Variants in DNAH11 observed in about 807,000 individuals in gnomAD.
The protein encoded by DNAH11 is axonemal beta dynein heavy chain 11.
A neutral mutation model predicts 526.0 loss-of-function variants in DNAH11; 442 were observed. The observed-to-expected ratio is 0.84, with a 90% CI of 0.78 to 0.91. The LOEUF is 0.91. Among genes scored for constraint, DNAH11 ranks in the 40% least tolerant of loss-of-function variants. DNAH11 has a pLI of 0.00. For missense variants in DNAH11, 6,989 were observed against 5,448.7 expected (o/e 1.28, Z -8.90); for synonymous variants, 2,461 against 1,935.9 (o/e 1.27, Z -7.12).
intron 46 of DNAH11, among the ~76,000 whole-genome samples, chr7:21,737,457 G>T (rs556527856): frequency 6.6e-6 from 1 of 152,320 alleles, no homozygotes; most frequent in South Asian, 2.1e-4. Context: ...TGAGGGGACT[G>T]TATTTCATTT....
At chr7:21,594,546 G>A (rs1784801065) in intron 14 of DNAH11, among the ~76,000 whole-genome samples, 1 of 152,130 alleles carries the variant, frequency 6.6e-6, no homozygotes, top group South Asian at 2.1e-4. Flanking sequence ...AATTCTGGAG[G>A]GTGGGGTCGA....
At chr7:21,855,574 A>G (rs1240703208) in intron 68 of DNAH11, among the ~76,000 whole-genome samples, 2 of 152,240 alleles carry the variant, frequency 1.3e-5, no homozygotes, top group Non-Finnish European at 2.9e-5. Flanking sequence ...CAAACTTTAA[A>G]TAAATTGCCC....
intron 65 of DNAH11, among the ~76,000 whole-genome samples, chr7:21,831,968 T>C (rs1285089146): frequency 6.6e-6 from 1 of 151,448 alleles, no homozygotes; most frequent in African/African-American, 2.4e-5. Flanking sequence ...CAGGCACCTG[T>C]AGTCCCAGCT....
intron 30 of DNAH11, among the ~76,000 whole-genome samples, chr7:21,665,700 AAATAG>A (rs1240922678): frequency 2.0e-5 from 3 of 152,088 alleles, no homozygotes; most frequent in African/African-American, 7.2e-5. Flanking sequence ...GTTGGATGAG[AAATAG>A]AGAAAAGGGA....
At position 21,772,583 on chromosome 7, in the gene DNAH11, T is replaced by C. The variant is rs549688861; in HGVS notation, c.9103-1183T>C. 7.5e-4 allele frequency among the ~76,000 whole-genome samples: 114 copies of C among 152,282 alleles called. 1 individual carries two copies. The highest frequency in any genetic ancestry group is 4.7e-4 in the Non-Finnish European group (32 of 68,008). On this transcript the variant is annotated intron_variant, in intron 55 of 81. Coordinates refer to ENST00000409508, the MANE Select transcript of DNAH11 (RefSeq NM_001277115.2). ...AACTTCTTCATAAATTTTATTTTTC[T>C]GAGTTCACTGTTTGGAAATATATTT...
chr7:21,637,560 T>G, intron 26 of DNAH11, 51 bp from the exon 27 acceptor site: 1 of 1,194,102 alleles, frequency 8.4e-7, no homozygotes, highest in Non-Finnish European at 1.2e-6. Flanking sequence ...GATTAAAAGT[T>G]TAGAAAAGAT....
intron 9 of DNAH11, among the ~76,000 whole-genome samples, chr7:21,584,315 A>C (rs1340492037): frequency 6.6e-6 from 1 of 152,202 alleles, no homozygotes; most frequent in African/African-American, 2.4e-5. Flanking sequence ...ATTCTCAGCA[A>C]ACTAACACAG....
chr7:21,685,812 AAG>A (rs1172715241), intron 32 of DNAH11, among the ~76,000 whole-genome samples: 1 of 152,234 alleles, frequency 6.6e-6, no homozygotes. Flanking sequence ...TAGCCAGTGA[AAG>A]GGGAAAAAAG....
At chr7:21,642,086 G>T (rs1787156138) in intron 28 of DNAH11, among the ~76,000 whole-genome samples, 1 of 152,150 alleles carries the variant, frequency 6.6e-6, no homozygotes, top group Non-Finnish European at 1.5e-5. Flanking sequence ...TTGACACACA[G>T]ATTTGAAGTG....
Position 21,901,276 on chromosome 7 carries a change from G to C in DNAH11, c.*22G>C. ...GTAAGGTAACACTGGCATTCCTCTA[G>C]CCTCTGCTGGAGTGCAGTGAGGATT... On this transcript the variant is annotated 3_prime_UTR_variant, in exon 82 of 82. Coordinates refer to ENST00000409508, the MANE Select transcript of DNAH11 (RefSeq NM_001277115.2). 6.3e-7 allele frequency: 1 copy of C among 1,592,500 alleles called. No individual in the cohort carries two copies. The highest frequency in any genetic ancestry group is 8.6e-7 in the Non-Finnish European group (1 of 1,168,394).
chr7:21,890,221 A>C (rs1784282755), intron 76 of DNAH11, among the ~76,000 whole-genome samples: 1 of 152,238 alleles, frequency 6.6e-6, no homozygotes, highest in Non-Finnish European at 1.5e-5. Flanking sequence ...AAGTGATGGA[A>C]GCTGAATCAG....
At chr7:21,754,677 A>G (rs1013473686) in intron 54 of DNAH11, among the ~76,000 whole-genome samples, 1 of 151,998 alleles carries the variant, frequency 6.6e-6, no homozygotes, top group African/African-American at 2.4e-5. Context: ...TTTGTTTTTA[A>G]CATCAAGTAG....
intron 54 of DNAH11, among the ~76,000 whole-genome samples, chr7:21,755,630 A>G (rs1786596468): frequency 6.6e-6 from 1 of 152,186 alleles, no homozygotes; most frequent in Non-Finnish European, 1.5e-5. Context: ...TTGTCTGGAG[A>G]TAACATATTG....
intron 74 of DNAH11, among the ~76,000 whole-genome samples, chr7:21,878,619 C>A (rs113421554): frequency 6.6e-6 from 1 of 151,988 alleles, no homozygotes; most frequent in African/African-American, 2.4e-5. Context: ...TAAAAATGGC[C>A]TAGTGATTTA....
intron 56 of DNAH11, 106 bp downstream of exon 56, chr7:21,774,105 G>C: frequency 1.1e-5 from 12 of 1,078,092 alleles, no homozygotes; most frequent in South Asian, 3.5e-5. Flanking sequence ...ATGCCAGCTG[G>C]TGAAATTTAC....
intron 15 of DNAH11, 89 bp downstream of exon 15, chr7:21,600,208 C>T (rs186184666): frequency 4.1e-5 from 48 of 1,176,958 alleles, no homozygotes; most frequent in African/African-American, 9.3e-5. Flanking sequence ...GCTGGGAATC[C>T]CAGAACTTTG....
At chr7:21,867,732 C>T in intron 71 of DNAH11, 127 bp from the exon 72 acceptor site, 1 of 780,696 alleles carries the variant, frequency 1.3e-6, no homozygotes, top group Non-Finnish European at 2.1e-6. Context: ...GTTATTCTAA[C>T]AAGACATCCC....
chr7:21,543,892 G>A (rs1167370239), intron 1 of DNAH11: 6 of 441,770 alleles, frequency 1.4e-5, no homozygotes, highest in Non-Finnish European at 2.4e-5. Context: ...CTGCTTGGGT[G>A]TTAGGCGCCA....
chr7:21,901,166 CCAGCTA>C lies in DNAH11; in HGVS notation c.13466_13471del (p.Ser4489_Tyr4490del), dbSNP rs765991794. On this transcript the variant is annotated inframe_deletion, in exon 82 of 82. Transcript: ENST00000409508. ...GTGTATAGAACCAAACTGAGAGGCC[CCAGCTA>C]CATCTGGACCTTCAGGCTGAAGAGC... 6.2e-7 allele frequency: 1 copy of C among 1,611,754 alleles called. No homozygotes were observed. The highest frequency in any genetic ancestry group is 1.1e-5 in the South Asian group (1 of 91,058).
Sources: allele counts gnomAD v4.1 joint callset (sites outside exome capture counted in the v4.1 genomes callset), GRCh38; gene constraint gnomAD v4.1.1; transcripts MANE v1.5; gene names NCBI Gene and HGNC (gene_info 2026-07-23, HGNC 2026-07-21).